TBC1D9: variants seen among roughly 807,000 people sequenced by gnomAD.
TBC1D9 encodes the protein TBC1 domain family member 9, also known as TBC1 domain family member 9A.
Under a neutral mutation model 132.0 loss-of-function variants are expected in TBC1D9, and 63 were observed. The ratio of observed to expected loss-of-function variants is 0.48; its 90% confidence interval spans 0.39 to 0.59. The LOEUF (loss-of-function observed/expected upper bound fraction) is 0.59, where lower values mean the gene tolerates loss of function less well. Ranked by LOEUF, TBC1D9 falls within the 20% of genes least tolerant of loss-of-function variation. The pLI is 0.00. For missense variants in TBC1D9, 1,261 were observed against 1,592.7 expected (o/e 0.79, Z 3.54); for synonymous variants, 610 against 609.9 (o/e 1.00, Z 0.00).
chr4:140,676,921 T>C lies in TBC1D9; in HGVS notation c.1032A>G (p.Leu344=), dbSNP rs761996328. ...YICFTSKEEN[L]CSLIIPLREV... ...CACGGAGCGGGATAATGAGGCTACA[T>C]AAGTTCTCCTCCTTGCTGGTAAAAC... The change falls in exon 6 of 21, where the codon TTA becomes TTG. Residue 344 remains leucine (L), a synonymous_variant. Transcript: ENST00000442267. 6.2e-7 allele frequency: 1 copy of C among 1,613,990 alleles called. No individual in the cohort carries two copies. The highest frequency in any genetic ancestry group is 2.2e-5 in the East Asian group (1 of 44,884).
chr4:140,698,336 T>C (rs1229767007), intron 2 of TBC1D9, among the ~76,000 whole-genome samples: 2 of 152,176 alleles, frequency 1.3e-5, no homozygotes, highest in East Asian at 1.9e-4. Context: ...TCTTCACTTC[T>C]AGATGGGTTT....
intron 1 of TBC1D9, among the ~76,000 whole-genome samples, chr4:140,741,932 GC>G (rs1480612718): frequency 6.6e-6 from 1 of 152,066 alleles, no homozygotes; most frequent in Admixed American, 6.6e-5. Context: ...TGACCTGGAA[GC>G]CCCCTCCCTT....
rs755827405 is a variant in TBC1D9 at position 140,657,217 on chromosome 4, G to A, written c.2217C>T (p.Asp739=). ...EAMTVLGRYL[D]SVTNKDSTLP... is the part of the protein sequence containing the mutation. ...GTGTGCTGTCTTTATTGGTCACACT[G>A]TCTAAATACCTGGAAGAAGAATGCA... The change falls in exon 13 of 21, where the codon GAC becomes GAT. Residue 739 remains aspartate, a synonymous_variant. Coordinates refer to ENST00000442267, the MANE Select transcript of TBC1D9 (RefSeq NM_015130.3). 1.2e-6 allele frequency: 2 copies of A among 1,613,388 alleles called. No individual in the cohort carries two copies. Among genetic ancestry groups the A allele is most frequent in the African/African-American group, 2.7e-5 (2 of 75,030 alleles).
intron 9 of TBC1D9, among the ~76,000 whole-genome samples, chr4:140,663,643 C>T (rs1737399507): frequency 6.6e-6 from 1 of 152,024 alleles, no homozygotes; most frequent in South Asian, 2.1e-4. Context: ...AATCTAAATA[C>T]CCATTAAGAG....
chr4:140,742,388 T>C (rs1040170718), intron 1 of TBC1D9, among the ~76,000 whole-genome samples: 9 of 151,606 alleles, frequency 5.9e-5, no homozygotes, highest in Admixed American at 3.9e-4. Flanking sequence ...AAAAATTAGC[T>C]GGGCATGGTG....
At chr4:140,737,436 TTCTCTCTC>T (rs60339822) in intron 1 of TBC1D9, among the ~76,000 whole-genome samples, 7,712 of 147,070 alleles carry the variant, frequency 0.052, 223 homozygotes, top group Middle Eastern at 0.11. Flanking sequence ...GCACCCTCCC[TTCTCTCTC>T]TCTCTCTCTC....
chr4:140,662,413 A>T (rs550921518), intron 9 of TBC1D9, among the ~76,000 whole-genome samples: 1 of 152,302 alleles, frequency 6.6e-6, no homozygotes, highest in South Asian at 2.1e-4. Flanking sequence ...GCTGCTTAGG[A>T]GCACAGGTGG....
intron 11 of TBC1D9, among the ~76,000 whole-genome samples, chr4:140,658,597 G>T (rs915095698): frequency 6.4e-4 from 98 of 152,066 alleles, no homozygotes; most frequent in African/African-American, 2.3e-3. Flanking sequence ...ATCACCTGAG[G>T]TCAGGAGTTT....
chr4:140,666,684 G>T (rs1385362525), intron 9 of TBC1D9, among the ~76,000 whole-genome samples: 1 of 149,256 alleles, frequency 6.7e-6, no homozygotes, highest in Non-Finnish European at 1.5e-5. Flanking sequence ...GTTTTGGGGG[G>T]ATGAAAAATG....
intron 3 of TBC1D9, among the ~76,000 whole-genome samples, chr4:140,683,917 C>T (rs1737742977): frequency 6.6e-6 from 1 of 152,178 alleles, no homozygotes; most frequent in South Asian, 2.1e-4. Flanking sequence ...AAAGTATTAA[C>T]TGGATTTTTA....
At chr4:140,724,518 G>A (rs1738469272) in intron 1 of TBC1D9, among the ~76,000 whole-genome samples, 2 of 152,052 alleles carry the variant, frequency 1.3e-5, no homozygotes, top group Admixed American at 1.3e-4. Context: ...TTGAATTTTA[G>A]AGTGGTGAAG....
intron 1 of TBC1D9, among the ~76,000 whole-genome samples, chr4:140,709,248 TCACACACACACACACA>T (rs36222926): frequency 1.2e-4 from 13 of 104,148 alleles, no homozygotes; most frequent in African/African-American, 3.5e-4. Context: ...TCTCTCTCTC[TCACACACACACACACA>T]CACACACACA....
chr4:140,701,477 T>C (rs764436272), intron 2 of TBC1D9, 27 bp downstream of exon 2: 1 of 1,567,642 alleles, frequency 6.4e-7, no homozygotes, highest in Non-Finnish European at 8.8e-7. Flanking sequence ...TTTTAAAACT[T>C]GTGTATTTCT....
chr4:140,626,484 G>A (rs1164312162), intron 18 of TBC1D9, among the ~76,000 whole-genome samples: 2 of 152,080 alleles, frequency 1.3e-5, no homozygotes, highest in Admixed American at 6.6e-5. Flanking sequence ...AGGTCTCTTG[G>A]TGCAGGTCTC....
intron 13 of TBC1D9, among the ~76,000 whole-genome samples, 175 bp downstream of exon 13, chr4:140,656,922 G>A (rs1233529127): frequency 1.3e-5 from 2 of 152,184 alleles, no homozygotes; most frequent in African/African-American, 2.4e-5. Flanking sequence ...AAGCAGAAAG[G>A]CCAGGACCTA....
rs745690954 is a variant in TBC1D9, at chr4:140,669,752, C to T, written c.1319G>A (p.Ser440Asn). ...CTGGCGCTCTCCATCAGCATCAGAGCTCGTGCTTCTCTGGGGGCTGGAGGA... is the reference window on the plus strand; with the variant it reads ...CTGGCGCTCTCCATCAGCATCAGAGTTCGTGCTTCTCTGGGGGCTGGAGGA... ...LVSSSPQRST[S>N]SDADGERQFN... Residue 440 changes from serine to asparagine, a missense_variant, in exon 8 of 21, where the codon AGC becomes AAC. Ser to Asn is a conservative substitution (Grantham distance 46). This residue lies in a region of TBC1D9 where 550 missense variants were observed against 699.0 expected (regional missense o/e 0.79). Transcript: ENST00000442267. 1 of 1,613,860 alleles carries T rather than the reference C, an allele frequency of 6.2e-7. No individual in the cohort carries two copies. Among genetic ancestry groups the T allele is most frequent in the Non-Finnish European group, 8.5e-7 (1 of 1,179,890 alleles).
At position 140,679,603 on chromosome 4, in the gene TBC1D9, T is replaced by C; in HGVS notation, c.589+12A>G. ...TTTCCAAAGTTTCCTGCTGAAATTTTAGATGACTTACCTTCCCTTCCCATA... is the reference window on the plus strand; with the variant it reads ...TTTCCAAAGTTTCCTGCTGAAATTTCAGATGACTTACCTTCCCTTCCCATA... On this transcript the variant is annotated intron_variant, in intron 4 of 20. Transcript: ENST00000442267. The C allele has an allele frequency of 6.2e-7, 1 of 1,602,666 alleles. No individual in the cohort carries two copies. The highest frequency in any genetic ancestry group is 1.1e-5 in the South Asian group (1 of 90,178).
Position 140,706,665 on chromosome 4 carries a change from C to A in TBC1D9, c.131-5051G>T, listed in dbSNP as rs1283352863. On this transcript the variant is annotated intron_variant, in intron 1 of 20. Coordinates refer to ENST00000442267, the MANE Select transcript of TBC1D9 (RefSeq NM_015130.3). This position sits in a 1 kb window ranked among gnomAD's most constrained non-coding sequence, Gnocchi z 4.0. Reference sequence around the variant, plus strand: ...AACCATTCTTAAATTGTTTTGTATTCTTCCTATCCAGGTCCTTATACTTTT... The same window carrying A: ...AACCATTCTTAAATTGTTTTGTATTATTCCTATCCAGGTCCTTATACTTTT... 6.6e-6 allele frequency among the ~76,000 whole-genome samples: 1 copy of A among 151,940 alleles called. No homozygotes were observed.
At chr4:140,733,306 T>C (rs1441998319) in intron 1 of TBC1D9, among the ~76,000 whole-genome samples, 1 of 152,178 alleles carries the variant, frequency 6.6e-6, no homozygotes, top group Non-Finnish European at 1.5e-5. Flanking sequence ...GATTTTTTTT[T>C]AAATGCCAAG....
Sources: gnomAD v4.1 joint callset for allele counts (sites outside exome capture counted in the v4.1 genomes callset) on GRCh38, gnomAD v4.1.1 for gene constraint, gnomAD v4.1.1 regional missense constraint, Gnocchi (gnomAD v3.1) non-coding constraint, MANE v1.5 for transcripts, NCBI Gene and HGNC (gene_info 2026-07-23, HGNC 2026-07-21) for gene names.